CNTNAP4: variants seen among roughly 807,000 people sequenced by gnomAD.
CNTNAP4 encodes the protein contactin associated protein family member 4.
A neutral mutation model predicts 148.4 loss-of-function variants in CNTNAP4; 98 were observed. That is an observed-to-expected ratio of 0.66 (90% CI 0.56 to 0.78). The LOEUF (loss-of-function observed/expected upper bound fraction) is 0.78, where lower values mean the gene tolerates loss of function less well. Among genes scored for constraint, CNTNAP4 ranks in the 30% least tolerant of loss-of-function variants. The pLI, the probability that CNTNAP4 is intolerant of heterozygous loss-of-function variation, is 0.00. For synonymous variants in CNTNAP4, 730 were observed against 565.1 expected (o/e 1.29, Z -4.14); for missense variants, 1,935 against 1,565.6 (o/e 1.24, Z -3.98).
intron 4 of CNTNAP4, among the ~76,000 whole-genome samples, chr16:76,430,340 C>G (rs1318116803): frequency 6.6e-6 from 1 of 152,096 alleles, no homozygotes; most frequent in African/African-American, 2.4e-5. Context: ...ATACAGCTTG[C>G]TCTGGGTGGC....
At chr16:76,553,741 T>A in intron 22 of CNTNAP4, 95 bp from the exon 23 acceptor site, 1 of 789,888 alleles carries the variant, frequency 1.3e-6, no homozygotes, top group Non-Finnish European at 2.1e-6. Flanking sequence ...TTCGCCTCCA[T>A]AATTCTCTGT....
At chr16:76,418,411 AT>A (rs1568086021) in intron 3 of CNTNAP4, among the ~76,000 whole-genome samples, 1 of 133,874 alleles carries the variant, frequency 7.5e-6, no homozygotes, top group African/African-American at 2.9e-5. Flanking sequence ...ATATATTTTT[AT>A]TATACTTTAA....
chr16:76,412,425 CA>C (rs2078831935), intron 3 of CNTNAP4, among the ~76,000 whole-genome samples: 1 of 151,308 alleles, frequency 6.6e-6, no homozygotes, highest in South Asian at 2.1e-4. Context: ...GTAGAAAATG[CA>C]AACTAATTTT....
At chr16:76,523,243 C>CG (rs1291939362) in intron 17 of CNTNAP4, among the ~76,000 whole-genome samples, 4 of 133,756 alleles carry the variant, frequency 3.0e-5, no homozygotes, top group African/African-American at 1.1e-4. Flanking sequence ...CCCCGGCCCC[C>CG]CCGCCCCACC....
intron 15 of CNTNAP4, among the ~76,000 whole-genome samples, chr16:76,515,732 A>G (rs1387329471): frequency 1.3e-5 from 2 of 152,118 alleles, no homozygotes; most frequent in African/African-American, 2.4e-5. Context: ...AGCATCATCA[A>G]CTGCTAGGCA....
intron 8 of CNTNAP4, among the ~76,000 whole-genome samples, chr16:76,457,935 A>G (rs1443046624): frequency 6.6e-6 from 1 of 151,994 alleles, no homozygotes; most frequent in Non-Finnish European, 1.5e-5. Context: ...TAGTTTTTAA[A>G]TTCTTGCCCC....
At chr16:76,503,446 A>G (rs181232452) in intron 15 of CNTNAP4, among the ~76,000 whole-genome samples, 95 of 152,372 alleles carry the variant, frequency 6.2e-4, no homozygotes, top group Admixed American at 2.5e-3. Flanking sequence ...ATGACTTTCT[A>G]GGTAGAAAAT....
chr16:76,494,522 A>T, intron 13 of CNTNAP4, among the ~76,000 whole-genome samples: 1 of 152,148 alleles, frequency 6.6e-6, no homozygotes, highest in East Asian at 1.9e-4. Context: ...CATGATTTCA[A>T]ATCAATTTTG....
intron 13 of CNTNAP4, among the ~76,000 whole-genome samples, chr16:76,490,661 G>GC (rs2082185104): frequency 6.6e-6 from 1 of 152,076 alleles, no homozygotes; most frequent in Non-Finnish European, 1.5e-5. Flanking sequence ...AAGAAATGCT[G>GC]CCCCCACTTT....
intron 3 of CNTNAP4, among the ~76,000 whole-genome samples, chr16:76,424,896 A>G (rs1687250905): frequency 6.6e-6 from 1 of 152,238 alleles, no homozygotes; most frequent in Non-Finnish European, 1.5e-5. Flanking sequence ...ACATTGCCCT[A>G]TATCAGCCAT....
chr16:76,355,753 G>C (rs1330013789), intron 3 of CNTNAP4, among the ~76,000 whole-genome samples: 1 of 151,122 alleles, frequency 6.6e-6, no homozygotes, highest in Admixed American at 6.7e-5. Flanking sequence ...AACCCTATTA[G>C]TCCATTAAAT....
chr16:76,499,300 A>G (rs1568414726), intron 15 of CNTNAP4, among the ~76,000 whole-genome samples: 1 of 151,964 alleles, frequency 6.6e-6, no homozygotes, highest in African/African-American at 2.4e-5. Context: ...ACCATTCTTC[A>G]TGTGACATGA....
intron 2 of CNTNAP4, among the ~76,000 whole-genome samples, chr16:76,323,007 TTTG>T (rs965544130): frequency 9.2e-5 from 14 of 151,890 alleles, no homozygotes; most frequent in East Asian, 1.9e-4. Context: ...CCTAATTTTT[TTTG>T]TTGTTGTTGT....
At chr16:76,413,522 A>G (rs903565645) in intron 3 of CNTNAP4, among the ~76,000 whole-genome samples, 15 of 150,736 alleles carry the variant, frequency 1.0e-4, no homozygotes, top group African/African-American at 3.1e-4. Flanking sequence ...CCAATAAGAC[A>G]TTCTCTTATT....
intron 15 of CNTNAP4, among the ~76,000 whole-genome samples, chr16:76,511,345 C>G (rs1036478680): frequency 6.6e-6 from 1 of 152,130 alleles, no homozygotes; most frequent in Non-Finnish European, 1.5e-5. Context: ...TCGACTAGTA[C>G]AGCTGTCTGA....
chr16:76,505,242 C>T (rs533925755), intron 15 of CNTNAP4, among the ~76,000 whole-genome samples: 1 of 41,290 alleles, frequency 2.4e-5, no homozygotes, highest in Admixed American at 2.9e-4. Flanking sequence ...AAAGGATACA[C>T]GTTCCATTTT....
chr16:76,343,568 C>T (rs564266480), intron 2 of CNTNAP4, among the ~76,000 whole-genome samples: 2 of 152,024 alleles, frequency 1.3e-5, no homozygotes, highest in Admixed American at 6.6e-5. Context: ...TTAGGAGATA[C>T]AACAACAAGG....
chr16:76,451,744 G>C (rs2080489872), intron 7 of CNTNAP4, among the ~76,000 whole-genome samples: 1 of 151,856 alleles, frequency 6.6e-6, no homozygotes, highest in African/African-American at 2.4e-5. Flanking sequence ...TGATGCATAA[G>C]ATCAAGCTGC....
intron 3 of CNTNAP4, among the ~76,000 whole-genome samples, chr16:76,366,223 G>T (rs1050152115): frequency 6.6e-6 from 1 of 152,014 alleles, no homozygotes; most frequent in African/African-American, 2.4e-5. Flanking sequence ...AGATTATTTT[G>T]TCAGCCAGGT....
Sources: gnomAD v4.1 joint callset for allele counts (sites outside exome capture counted in the v4.1 genomes callset) on GRCh38, gnomAD v4.1.1 for gene constraint, MANE v1.5 for transcripts, NCBI Gene and HGNC (gene_info 2026-07-23, HGNC 2026-07-21) for gene names.